The following CLIP1 variants were observed in gnomAD, a reference collection of about 807,000 sequenced individuals.
CLIP1 encodes the protein CAP-Gly domain containing linker protein 1, also known as CAP-Gly domain-containing linker protein 1.
In CLIP1, 66 loss-of-function variants were observed where a neutral mutation model predicts 161.6. The observed-to-expected ratio is 0.41, with a 90% CI of 0.33 to 0.50. CLIP1 has a LOEUF of 0.50. Ranked by LOEUF, CLIP1 falls within the 20% of genes least tolerant of loss-of-function variation. CLIP1 has a pLI of 0.27. For missense variants in CLIP1, 1,376 were observed against 1,702.0 expected, an observed-to-expected ratio of 0.81 and a Z score of 3.37; for synonymous variants, 598 against 626.2, an observed-to-expected ratio of 0.96 and a Z score of 0.67.
intron 17 of CLIP1, among the ~76,000 whole-genome samples, chr12:122,327,170 G>T (rs1021903432): frequency 2.0e-5 from 3 of 152,130 alleles, no homozygotes; most frequent in Non-Finnish European, 4.4e-5. Context: ...GGCAGGCCAG[G>T]CATGGTGGCT....
In CLIP1 at chr12:122,351,136, C is replaced by G; in HGVS notation, c.1376G>C (p.Ser459Thr). ...SITKGDLEQK[S>T]QISEDPENTQ... is the part of the protein sequence containing the mutation. ...ATTCTCAGGATCTTCAGAAATCTGG[C>G]TCTTTTGCTATCAGTAAAAAAATAA... The change falls in exon 9 of 26, where the codon AGC (serine) becomes ACC (threonine). Residue 459 changes from serine (S) to threonine (T), a missense_variant. Transcript: ENST00000620786. 6.6e-7 allele frequency: 1 copy of G among 1,511,442 alleles called. No homozygotes were observed. The highest frequency in any genetic ancestry group is 8.8e-7 in the Non-Finnish European group (1 of 1,138,652). The allele number at this position is 1,511,442 out of a possible 1,614,324, so 93.6% of individuals were successfully genotyped here. A position where few individuals can be genotyped will look rare whatever the true frequency, so the allele number is the denominator to read the frequency against.
intron 3 of CLIP1, 39 bp from the exon 4 acceptor site, chr12:122,364,146 A>G (rs1445239575): frequency 6.2e-7 from 1 of 1,612,678 alleles, no homozygotes; most frequent in Non-Finnish European, 8.5e-7. Context: ...GATGAACATC[A>G]CTCTATAGCT....
intron 1 of CLIP1, among the ~76,000 whole-genome samples, chr12:122,398,782 G>A (rs976127039): frequency 6.6e-6 from 1 of 151,976 alleles, no homozygotes; most frequent in Non-Finnish European, 1.5e-5. Flanking sequence ...ACTGAGGTGG[G>A]AGGATCGCTT....
intron 10 of CLIP1, chr12:122,342,720 T>C (rs922564056): frequency 1.3e-5 from 2 of 151,726 alleles, no homozygotes. Context: ...TAACAGGTAC[T>C]TGGGAGGCTA....
In CLIP1 at chr12:122,288,478, A is replaced by C. The variant is rs1955950127; in HGVS notation, c.3647+11T>G. The stretch of plus-strand genomic sequence containing the variant: ...AACACACACACATACAACAATAAAC[A>C]GAAAGCTTACCTTTTTTTCATTTCT... On this transcript the variant is annotated intron_variant, in intron 21 of 25. Coordinates refer to ENST00000620786, the MANE Select transcript of CLIP1 (RefSeq NM_001247997.2). 6.2e-7 allele frequency: 1 copy of C among 1,603,650 alleles called. No individual in the cohort carries two copies. Among genetic ancestry groups the C allele is most frequent in the Non-Finnish European group, 8.5e-7 (1 of 1,176,856 alleles).
chr12:122,377,559 T>G lies in CLIP1; in HGVS notation c.487A>C (p.Thr163Pro), dbSNP rs1018583414. 12 of 1,613,454 alleles carry G rather than the reference T, an allele frequency of 7.4e-6. No individual in the cohort carries two copies. Among genetic ancestry groups the G allele is most frequent in the Non-Finnish European group, 1.0e-5 (12 of 1,179,934 alleles). ...TASMVSSSPSTPSNIPQKPSQ... is the reference protein window; with the variant it reads ...TASMVSSSPSPPSNIPQKPSQ... ...GGTTTCTGAGGGATGTTTGAAGGGG[T>G]GGAGGGGGAGGAAGACACCATGCTG... Residue 163 changes from threonine to proline, a missense_variant, in exon 3 of 26, where the codon ACC becomes CCC. Transcript: ENST00000620786.
At chr12:122,349,152 T>A (rs1201167293) in intron 9 of CLIP1, among the ~76,000 whole-genome samples, 1 of 152,144 alleles carries the variant, frequency 6.6e-6, no homozygotes, top group Non-Finnish European at 1.5e-5. Flanking sequence ...AAGAATCTAA[T>A]CCTTATCTAC....
At chr12:122,396,483 T>G (rs1421793147) in intron 1 of CLIP1, 1 of 152,184 alleles carries the variant, frequency 6.6e-6, no homozygotes, top group Non-Finnish European at 1.5e-5. Context: ...TAACAGGGAC[T>G]CAGAACAATT....
chr12:122,314,341 C>T (rs540940324), intron 19 of CLIP1, among the ~76,000 whole-genome samples: 8 of 151,104 alleles, frequency 5.3e-5, no homozygotes, highest in Non-Finnish European at 1.2e-4. Flanking sequence ...CATGGCGACG[C>T]GCGCCTGTAA....
At chr12:122,276,700 C>G in intron 24 of CLIP1, 1 of 301,886 alleles carries the variant, frequency 3.3e-6, no homozygotes, top group Non-Finnish European at 6.5e-6. Context: ...TTGAACATGA[C>G]TAATACATAC....
chr12:122,347,175 TC>T (rs1473497619), intron 10 of CLIP1, among the ~76,000 whole-genome samples, 199 bp downstream of exon 10: 1 of 152,086 alleles, frequency 6.6e-6, no homozygotes, highest in Non-Finnish European at 1.5e-5. Context: ...AAGGAATGAG[TC>T]TTTACTTTTG....
chr12:122,305,607 T>C (rs917036791), intron 20 of CLIP1, among the ~76,000 whole-genome samples: 3 of 152,216 alleles, frequency 2.0e-5, no homozygotes, highest in African/African-American at 7.2e-5. Context: ...TGGTTAATAC[T>C]GAGTGTCAAC....
chr12:122,403,368 C>A (rs776669834), intron 1 of CLIP1, among the ~76,000 whole-genome samples: 4 of 152,084 alleles, frequency 2.6e-5, no homozygotes, highest in Non-Finnish European at 5.9e-5. Flanking sequence ...CCACATGAAA[C>A]TCAAAGCAAA....
chr12:122,343,718 C>T (rs918052430), intron 10 of CLIP1: 3 of 152,188 alleles, frequency 2.0e-5, no homozygotes, highest in Non-Finnish European at 2.9e-5. Flanking sequence ...TAAATAAATA[C>T]CCCAGGGCTA....
intron 20 of CLIP1, among the ~76,000 whole-genome samples, chr12:122,308,806 G>A (rs922434195): frequency 6.6e-6 from 1 of 152,128 alleles, no homozygotes; most frequent in Non-Finnish European, 1.5e-5. Flanking sequence ...TTCCACAAAA[G>A]CAACAATGAA....
At chr12:122,343,837 T>A (rs190388015) in intron 10 of CLIP1, 11 of 152,280 alleles carry the variant, frequency 7.2e-5, no homozygotes, top group African/African-American at 2.4e-4. Flanking sequence ...ATAGCTTCCA[T>A]CACAAAAATT....
chr12:122,416,887 C>T (rs548819639), intron 1 of CLIP1, among the ~76,000 whole-genome samples: 4 of 151,356 alleles, frequency 2.6e-5, no homozygotes, highest in East Asian at 2.0e-4. Context: ...GCAACAAGAG[C>T]GACACTCCAT....
intron 20 of CLIP1, among the ~76,000 whole-genome samples, chr12:122,294,199 G>A (rs563475423): frequency 5.3e-5 from 8 of 151,140 alleles, no homozygotes; most frequent in Middle Eastern, 3.4e-3. Flanking sequence ...TGTGGTGGTG[G>A]GTGCCTGTAG....
chr12:122,348,303 C>A (rs1444400810), intron 9 of CLIP1, among the ~76,000 whole-genome samples: 1 of 152,130 alleles, frequency 6.6e-6, no homozygotes, highest in Non-Finnish European at 1.5e-5. Context: ...TCTATAGTCT[C>A]CATCTCTGAA....
Sources: allele counts gnomAD v4.1 joint callset (sites outside exome capture counted in the v4.1 genomes callset), GRCh38; gene constraint gnomAD v4.1.1; transcripts MANE v1.5; gene names NCBI Gene and HGNC (gene_info 2026-07-23, HGNC 2026-07-21).